COG5: variants seen among roughly 807,000 people sequenced by gnomAD.
COG5 encodes the protein conserved oligomeric Golgi complex subunit 5.
COG5 carries 86 observed loss-of-function variants against 110.4 expected under a neutral mutation model. The ratio of observed to expected loss-of-function variants is 0.78; its 90% CI spans 0.65 to 0.93. The LOEUF (loss-of-function observed/expected upper bound fraction) is 0.93. Among genes scored for constraint, COG5 ranks in the 40% least tolerant of loss-of-function variants. The pLI, the probability that COG5 is intolerant of heterozygous loss-of-function variation, is 0.00. For missense variants in COG5, 1,077 were observed against 987.0 expected (o/e 1.09, Z -1.22); for synonymous variants, 360 against 334.6 (o/e 1.08, Z -0.83).
At chr7:107,352,433 C>G (rs762530974) in intron 10 of COG5, among the ~76,000 whole-genome samples, 1 of 144,652 alleles carries the variant, frequency 6.9e-6, no homozygotes, top group African/African-American at 2.6e-5. Flanking sequence ...ACGTTGTGTA[C>G]ATGTACCCTA....
intron 6 of COG5, among the ~76,000 whole-genome samples, chr7:107,483,277 A>G (rs1373224983): frequency 6.6e-6 from 1 of 152,218 alleles, no homozygotes; most frequent in African/African-American, 2.4e-5. Context: ...ACTTTTTCCA[A>G]CCACATCGAT....
At position 107,424,330 on chromosome 7, in the gene COG5, G is replaced by C. The variant is rs372018517; in HGVS notation, c.539-11698C>G. On this transcript the variant is annotated intron_variant, in intron 6 of 21. Transcript: ENST00000297135. Reference sequence around the variant, plus strand: ...TTGGTGGTTCCCTGGGGCCTGGAGGGGTTTTCAGAGAAGGGTGGAAGGGAG... The same window carrying C: ...TTGGTGGTTCCCTGGGGCCTGGAGGCGTTTTCAGAGAAGGGTGGAAGGGAG... Among the ~76,000 whole-genome samples the C allele has an allele frequency of 3.0e-4, 45 of 151,924 alleles. 1 individual carries two copies. The South Asian group carries it at 8.8e-3, about 30-fold the overall frequency.
intron 5 of COG5, among the ~76,000 whole-genome samples, chr7:107,540,495 T>G (rs1055420681): frequency 4.6e-5 from 7 of 151,300 alleles, no homozygotes; most frequent in Non-Finnish European, 8.8e-5. Flanking sequence ...GGAGGATTGC[T>G]TGAGCCCAGC....
intron 18 of COG5, among the ~76,000 whole-genome samples, chr7:107,235,755 T>C (rs1801140021): frequency 1.3e-5 from 2 of 152,194 alleles, no homozygotes; most frequent in African/African-American, 4.8e-5. Flanking sequence ...ACAATCATCT[T>C]TGTTTCTGAA....
At chr7:107,272,308 T>C (rs1202044633) in intron 14 of COG5, among the ~76,000 whole-genome samples, 1 of 152,218 alleles carries the variant, frequency 6.6e-6, no homozygotes, top group Non-Finnish European at 1.5e-5. Context: ...GATTTATTTC[T>C]TATCTACCTG....
chr7:107,556,199 C>G (rs1050546339), intron 2 of COG5, among the ~76,000 whole-genome samples: 8 of 152,142 alleles, frequency 5.3e-5, no homozygotes, highest in African/African-American at 1.9e-4. Flanking sequence ...TTCCAGGCCT[C>G]TGTATTGCAT....
chr7:107,419,919 G>A (rs1257317078), intron 6 of COG5, among the ~76,000 whole-genome samples: 2 of 152,058 alleles, frequency 1.3e-5, no homozygotes, highest in South Asian at 2.1e-4. Flanking sequence ...TAAATAACAC[G>A]TTCATGTAAC....
chr7:107,349,184 T>C (rs1012601503), intron 10 of COG5, among the ~76,000 whole-genome samples: 2 of 152,254 alleles, frequency 1.3e-5, no homozygotes, highest in Non-Finnish European at 2.9e-5. Flanking sequence ...GACTTTTATA[T>C]ATTGACTTAG....
chr7:107,276,641 A>G (rs1028489421), intron 14 of COG5, among the ~76,000 whole-genome samples: 1 of 152,200 alleles, frequency 6.6e-6, no homozygotes, highest in Admixed American at 6.5e-5. Flanking sequence ...CAACAGAGTG[A>G]GACCATCTCA....
chr7:107,454,518 C>T (rs1795542704), intron 6 of COG5, among the ~76,000 whole-genome samples: 1 of 152,166 alleles, frequency 6.6e-6, no homozygotes, highest in South Asian at 2.1e-4. Context: ...TAAATGGACT[C>T]ATCTATATTT....
intron 1 of COG5, among the ~76,000 whole-genome samples, chr7:107,558,659 G>C (rs1458539417): frequency 6.6e-6 from 1 of 151,532 alleles, no homozygotes; most frequent in Non-Finnish European, 1.5e-5. Flanking sequence ...GGCCGAGGCA[G>C]GTGGATCACG....
At chr7:107,541,332 AC>A (rs1801969451) in intron 5 of COG5, among the ~76,000 whole-genome samples, 1 of 149,676 alleles carries the variant, frequency 6.7e-6, no homozygotes, top group Non-Finnish European at 1.5e-5. Flanking sequence ...CCCGGTCTCT[AC>A]AAAAAATACA....
chr7:107,485,873 G>GC (rs1050604336), intron 6 of COG5, among the ~76,000 whole-genome samples: 48 of 152,196 alleles, frequency 3.2e-4, no homozygotes, highest in African/African-American at 1.1e-3. Context: ...GGAAAAGGAG[G>GC]CACATGTACC....
At chr7:107,253,133 A>G (rs1802643781) in intron 16 of COG5, 1 of 152,192 alleles carries the variant, frequency 6.6e-6, no homozygotes, top group Non-Finnish European at 1.5e-5. Context: ...AGTAAGAAAT[A>G]AAAATCCCTA....
At chr7:107,495,942 T>C (rs561879676) in intron 6 of COG5, among the ~76,000 whole-genome samples, 15 of 131,730 alleles carry the variant, frequency 1.1e-4, no homozygotes, top group Non-Finnish European at 2.2e-4. Context: ...TTTTTACTCA[T>C]TTTTTAATTA....
intron 6 of COG5, among the ~76,000 whole-genome samples, chr7:107,490,906 G>GA (rs906938689): frequency 1.8e-4 from 27 of 152,134 alleles, no homozygotes; most frequent in African/African-American, 6.5e-4. Flanking sequence ...TACTTTGATG[G>GA]AAAAAATTTA....
chr7:107,306,887 T>C (rs905282400), intron 11 of COG5, among the ~76,000 whole-genome samples: 1 of 152,134 alleles, frequency 6.6e-6, no homozygotes, highest in South Asian at 2.1e-4. Context: ...CAAGACCTAT[T>C]TCTCAATTTC....
chr7:107,522,070 C>A lies in COG5; in HGVS notation c.538+5167G>T, dbSNP rs2520256. Among the ~76,000 whole-genome samples the A allele has an allele frequency of 1.4e-3, 209 of 151,942 alleles. 1 individual carries two copies. Among genetic ancestry groups the A allele is most frequent in the African/African-American group, 4.1e-3 (172 of 41,446 alleles). On this transcript the variant is annotated intron_variant, in intron 6 of 21. Transcript: ENST00000297135. ...TCACTCGTAAATGGGAGTTGAACAA[C>A]GAGAACACTTGGACACAGGGAGGGG...
rs192257328 is a variant in COG5, at chr7:107,317,005, A to T, written c.1108+7435T>A. On this transcript the variant is annotated intron_variant, in intron 11 of 21. Coordinates refer to ENST00000297135, the MANE Select transcript of COG5 (RefSeq NM_006348.5). ...TTAAATCATCATGACCATAAGCAAA[A>T]GTTTCTCATTGAAATTTTAATGAGG... Among the ~76,000 whole-genome samples the T allele has an allele frequency of 3.3e-5, 5 of 152,236 alleles. No homozygotes were observed. The East Asian group carries it at 9.7e-4, about 29-fold the overall frequency.
Sources: allele counts gnomAD v4.1 joint callset (sites outside exome capture counted in the v4.1 genomes callset), GRCh38; gene constraint gnomAD v4.1.1; transcripts MANE v1.5; gene names NCBI Gene and HGNC (gene_info 2026-07-23, HGNC 2026-07-21).